HSPG2: variants seen among roughly 807,000 people sequenced by gnomAD.
The protein encoded by HSPG2 is heparan sulfate proteoglycan 2.
In HSPG2, 278 loss-of-function variants were observed where a neutral mutation model predicts 526.6. The ratio of observed to expected loss-of-function variants is 0.53; its 90% CI spans 0.48 to 0.58. The LOEUF (loss-of-function observed/expected upper bound fraction) is 0.58, where lower values mean the gene tolerates loss of function less well. Among genes scored for constraint, HSPG2 ranks in the 20% least tolerant of loss-of-function variants. HSPG2 has a pLI of 0.00. For missense variants in HSPG2, 5,354 were observed against 6,099.5 expected (o/e 0.88, Z 4.07); for synonymous variants, 2,465 against 2,555.4 (o/e 0.96, Z 1.07).
At chr1:21,899,592 A>G (rs1223775949) in intron 1 of HSPG2, among the ~76,000 whole-genome samples, 1 of 152,128 alleles carries the variant, frequency 6.6e-6, no homozygotes, top group Non-Finnish European at 1.5e-5. Flanking sequence ...ACTGTGCTAT[A>G]TCACCTCTGT....
rs905868895 is a variant in HSPG2, at chr1:21,911,241, G to A, written c.64-14931C>T. 2.0e-5 allele frequency among the ~76,000 whole-genome samples: 3 copies of A among 152,220 alleles called. No individual in the cohort carries two copies. The South Asian group carries it at 6.2e-4, about 31-fold the overall frequency. ...CAGCCCCTCCCCAAGGGCAGCAGCTGTGAAGGATGGTGGGAAGATGTACTG... is the reference window on the plus strand; with the variant it reads ...CAGCCCCTCCCCAAGGGCAGCAGCTATGAAGGATGGTGGGAAGATGTACTG... On this transcript the variant is annotated intron_variant, in intron 1 of 96. Coordinates refer to ENST00000374695, the MANE Select transcript of HSPG2 (RefSeq NM_005529.7).
chr1:21,850,506 G>C lies in HSPG2; in HGVS notation c.7159-8C>G, dbSNP rs766575669. 37 of 1,602,996 alleles carry C rather than the reference G, an allele frequency of 2.3e-5. No individual in the cohort carries two copies. The highest frequency in any genetic ancestry group is 3.2e-5 in the Non-Finnish European group (37 of 1,173,656). On this transcript the variant is annotated splice_region_variant and splice_polypyrimidine_tract_variant and intron_variant, in intron 55 of 96. Coordinates refer to ENST00000374695, the MANE Select transcript of HSPG2 (RefSeq NM_005529.7). ...CAGCAGGGAGCCGTGGGTCTGGCCAGAATGGGGGTGAGTCAGAGGGAGCCC... is the reference window on the plus strand; with the variant it reads ...CAGCAGGGAGCCGTGGGTCTGGCCACAATGGGGGTGAGTCAGAGGGAGCCC...
In HSPG2 at chr1:21,864,907, C is replaced by G; in HGVS notation, c.4562G>C (p.Arg1521Thr). The G allele has an allele frequency of 6.2e-7, 1 of 1,610,102 alleles. No individual in the cohort carries two copies. Among genetic ancestry groups the G allele is most frequent in the African/African-American group, 1.3e-5 (1 of 75,048 alleles). Residue 1521 changes from arginine (R) to threonine (T), a missense_variant, in exon 36 of 97, where the codon AGA becomes ACA. Transcript: ENST00000374695. The surrounding 1 kb of genome is among the most constrained non-coding windows in gnomAD (Gnocchi z 4.8). ...CTCCTCCACCTCGAGGGCGCGGGGTCTGTTTGAGGGCCCCGGCTGGGCGAC... is the reference window on the plus strand; with the variant it reads ...CTCCTCCACCTCGAGGGCGCGGGGTGTGTTTGAGGGCCCCGGCTGGGCGAC... ...LEVAQPGPSN[R>T]PRALEVEECR...
rs1642926219 is a variant in HSPG2 at position 21,898,841 on chromosome 1, C to T, written c.64-2531G>A. Among the ~76,000 whole-genome samples the T allele has an allele frequency of 6.6e-6, 1 of 152,246 alleles. No individual in the cohort carries two copies. Among genetic ancestry groups the T allele is most frequent in the Non-Finnish European group, 1.5e-5 (1 of 68,044 alleles). On this transcript the variant is annotated intron_variant, in intron 1 of 96. Transcript: ENST00000374695. This position sits in a 1 kb window ranked among gnomAD's most constrained non-coding sequence, Gnocchi z 4.0. ...ATGCCTGGAGCACTGCGACTCCCAGCATCTCCTAGACACTGCCGTCTGGAA... is the reference window on the plus strand; with the variant it reads ...ATGCCTGGAGCACTGCGACTCCCAGTATCTCCTAGACACTGCCGTCTGGAA...
Position 21,857,037 on chromosome 1 carries a change from G to A in HSPG2, c.5553C>T (p.Gly1851=). 1 of 1,614,166 alleles carries A rather than the reference G, an allele frequency of 6.2e-7. No individual in the cohort carries two copies. Among genetic ancestry groups the A allele is most frequent in the South Asian group, 1.1e-5 (1 of 91,086 alleles). Residue 1851 remains glycine, a synonymous_variant, in exon 44 of 97, where the codon GGC becomes GGT. Coordinates refer to ENST00000374695, the MANE Select transcript of HSPG2 (RefSeq NM_005529.7). ...TGSNMFAMDQ[G]TATLHVQASG... The stretch of plus-strand genomic sequence containing the variant: ...TACCCTGCACATGTAGAGTGGCTGT[G>A]CCCTGGTCCATGGCAAACATGTTGG...
Position 21,888,599 on chromosome 1 carries a change from C to T in HSPG2, c.575-533G>A, listed in dbSNP as rs1401038189. ...GGGGTTACAGGCGTGAGCCCCTGCA[C>T]CCGGCCTCCTCTCCAACCTTAACTT... On this transcript the variant is annotated intron_variant, in intron 6 of 96. Coordinates refer to ENST00000374695, the MANE Select transcript of HSPG2 (RefSeq NM_005529.7). The T allele has an allele frequency of 1.9e-5, 23 of 1,212,738 alleles. No homozygotes were observed. The African/African-American group carries it at 2.9e-4, about 15-fold the overall frequency. 75.1% of individuals were successfully genotyped at this position (1,212,738 alleles called of 1,614,324 possible). A position where few individuals can be genotyped will look rare whatever the true frequency, so the allele number is the denominator to read the frequency against.
chr1:21,856,660 A>G (rs181379301), intron 44 of HSPG2, among the ~76,000 whole-genome samples: 1 of 152,092 alleles, frequency 6.6e-6, no homozygotes, highest in Admixed American at 6.5e-5. Flanking sequence ...CAAGTGATCC[A>G]CCTGCCTCAG....
chr1:21,834,208 C>T (rs1184108701), intron 77 of HSPG2, among the ~76,000 whole-genome samples: 1 of 152,190 alleles, frequency 6.6e-6, no homozygotes, highest in Non-Finnish European at 1.5e-5. Flanking sequence ...GAGAAGTGCA[C>T]ACTAGGGGCA....
chr1:21,878,399 G>A, intron 20 of HSPG2, 34 bp downstream of exon 20: 1 of 1,591,240 alleles, frequency 6.3e-7, no homozygotes, highest in Non-Finnish European at 8.6e-7. Flanking sequence ...GGGTTGGGAG[G>A]TGGGTGTCAG....
At position 21,884,724 on chromosome 1, in the gene HSPG2, G is replaced by A. The variant is rs2290493; in HGVS notation, c.1507+43C>T. 0.23 allele frequency: 374,693 copies of A among 1,610,306 alleles called. 48,335 individuals are homozygous for A. Among genetic ancestry groups the A allele is most frequent in the East Asian group, 0.56 (24,953 of 44,708 alleles). ...TGCAGCCGGCTGTGGTGGGCAGCCC[G>A]GCTCTGCCCCCACACCCGGTGACAC... On this transcript the variant is annotated intron_variant, in intron 12 of 96. Transcript: ENST00000374695.
At position 21,874,689 on chromosome 1, in the gene HSPG2, T is replaced by C. The variant is rs766608289; in HGVS notation, c.3455A>G (p.Tyr1152Cys). Residue 1152 changes from tyrosine (Y) to cysteine (C), a missense_variant, in exon 27 of 97, where the codon TAC becomes TGC. Tyr to Cys is a radical substitution (Grantham distance 194, BLOSUM62 -2). Transcript: ENST00000374695. Reference protein sequence around the residue: ...TGYTRTPSGLYLGTCERCSCH... With the variant: ...TGYTRTPSGLCLGTCERCSCH... ...GCTGCAGCGTTCACAGGTACCCAGG[T>C]AGAGGCCACTGGGCGTGCGTGTGTA... 1.2e-6 allele frequency: 2 copies of C among 1,610,860 alleles called. No individual in the cohort carries two copies. Among genetic ancestry groups the C allele is most frequent in the South Asian group, 1.1e-5 (1 of 90,504 alleles).
At chr1:21,863,702 C>CA (rs35149912) in intron 37 of HSPG2, among the ~76,000 whole-genome samples, 32,856 of 122,062 alleles carry the variant, frequency 0.27, 3,747 homozygotes, top group Admixed American at 0.36. Context: ...GACCCTGTCT[C>CA]AAAAAAAAAA....
chr1:21,936,114 G>A (rs1455342838), intron 1 of HSPG2, among the ~76,000 whole-genome samples: 1 of 152,110 alleles, frequency 6.6e-6, no homozygotes, highest in African/African-American at 2.4e-5. Flanking sequence ...GGAGCACCTC[G>A]GAGAGAGTGG....
intron 39 of HSPG2, among the ~76,000 whole-genome samples, chr1:21,861,214 G>A (rs1639760549): frequency 6.6e-6 from 1 of 152,170 alleles, no homozygotes; most frequent in Non-Finnish European, 1.5e-5. Flanking sequence ...CACACAGCAT[G>A]GTACACAGGA....
At chr1:21,926,780 AAAAAAAAAG>A (rs1415481680) in intron 1 of HSPG2, among the ~76,000 whole-genome samples, 3,108 of 99,720 alleles carry the variant, frequency 0.031, 125 homozygotes, top group African/African-American at 0.073. Flanking sequence ...AAAAAAAAAA[AAAAAAAAAG>A]AGAGAAAGAA....
At chr1:21,888,341 C>T (rs980848171) in intron 6 of HSPG2, among the ~76,000 whole-genome samples, 25 of 152,390 alleles carry the variant, frequency 1.6e-4, no homozygotes, top group South Asian at 6.2e-4. Flanking sequence ...CACATGCAGG[C>T]CACAGCCTGG....
chr1:21,827,942 G>T (rs200085124), intron 90 of HSPG2, 23 bp from the exon 91 acceptor site: 58 of 1,607,390 alleles, frequency 3.6e-5, no homozygotes, highest in South Asian at 3.2e-4. Context: ...GCAGGGTCCA[G>T]TTGGTGGGCA....
rs148803046 is a variant in HSPG2, at chr1:21,857,344, G to A, written c.5335C>T (p.Arg1779Trp). ...KPITVTVEEQ[R>W]SQSVRPGADV... Reference sequence around the variant, plus strand: ...GCTCCGGGGCGCACGCTCTGGCTCCGCTGCTCCTCCACAGTCACTGTGATG... The same window carrying A: ...GCTCCGGGGCGCACGCTCTGGCTCCACTGCTCCTCCACAGTCACTGTGATG... The change falls in exon 43 of 97, where the codon CGG becomes TGG. Residue 1779 changes from arginine to tryptophan, a missense_variant. Transcript: ENST00000374695. 897 of 1,614,002 alleles carry A rather than the reference G, an allele frequency of 5.6e-4. 1 individual carries two copies. The highest frequency in any genetic ancestry group is 7.3e-4 in the Non-Finnish European group (864 of 1,180,016).
chr1:21,859,779 G>T lies in HSPG2; in HGVS notation c.5182+56C>A. The T allele has an allele frequency of 6.3e-7, 1 of 1,599,772 alleles. No homozygotes were observed. Among genetic ancestry groups the T allele is most frequent in the Non-Finnish European group, 8.5e-7 (1 of 1,173,834 alleles). ...CCCACTAGGGCAGGGACAGGCCCCT[G>T]CCTCCCCTCCCACTGGGATGGCTCT... On this transcript the variant is annotated intron_variant, in intron 41 of 96. Coordinates refer to ENST00000374695, the MANE Select transcript of HSPG2 (RefSeq NM_005529.7). This position sits in a 1 kb window ranked among gnomAD's most constrained non-coding sequence, Gnocchi z 5.3.
Sources: allele counts gnomAD v4.1 joint callset (sites outside exome capture counted in the v4.1 genomes callset), GRCh38; gene constraint gnomAD v4.1.1; non-coding constraint Gnocchi (gnomAD v3.1); transcripts MANE v1.5; gene names NCBI Gene and HGNC (gene_info 2026-07-23, HGNC 2026-07-21).